Variants in EYA1 observed in about 807,000 individuals in gnomAD.
EYA1 encodes the protein EYA transcriptional coactivator and phosphatase 1, also known as protein phosphatase EYA1.
EYA1 carries 16 observed loss-of-function variants against 82.0 expected under a neutral mutation model. The ratio of observed to expected loss-of-function variants is 0.20; its 90% CI spans 0.13 to 0.30. The LOEUF (loss-of-function observed/expected upper bound fraction) is 0.30. Ranked by LOEUF, EYA1 falls within the 10% of genes least tolerant of loss-of-function variation. The probability of loss-of-function intolerance (pLI) is 1.00; values close to 1 mark genes in which losing one functional copy is unlikely to be tolerated. For missense variants in EYA1, 633 were observed against 730.7 expected (o/e 0.87, Z 1.54); for synonymous variants, 261 against 264.4 (o/e 0.99, Z 0.12).
intron 7 of EYA1, among the ~76,000 whole-genome samples, chr8:71,306,670 C>T (rs1359878652): frequency 6.6e-6 from 1 of 152,114 alleles, no homozygotes; most frequent in African/African-American, 2.4e-5. Flanking sequence ...TAATGCTTCC[C>T]TCCCTCACTC....
chr8:71,250,025 C>G (rs913520115), intron 11 of EYA1, among the ~76,000 whole-genome samples: 2 of 151,484 alleles, frequency 1.3e-5, no homozygotes, highest in African/African-American at 2.4e-5. Context: ...TGCCATTGTT[C>G]TTTGCTTTCT....
At chr8:71,411,974 C>G (rs1184190109) in intron 2 of EYA1, among the ~76,000 whole-genome samples, 1 of 151,856 alleles carries the variant, frequency 6.6e-6, no homozygotes, top group Non-Finnish European at 1.5e-5. Flanking sequence ...GACTTGGAAT[C>G]AAGCCAAATG....
chr8:71,327,014 T>G (rs953935737), intron 4 of EYA1, among the ~76,000 whole-genome samples: 1 of 152,208 alleles, frequency 6.6e-6, no homozygotes, highest in Non-Finnish European at 1.5e-5. Context: ...TCAGATGCCC[T>G]GTCCTCTAAA....
At chr8:71,307,229 T>C (rs957322307) in intron 7 of EYA1, among the ~76,000 whole-genome samples, 3 of 152,132 alleles carry the variant, frequency 2.0e-5, no homozygotes, top group Non-Finnish European at 2.9e-5. Context: ...AAAAGATAAA[T>C]AATAATTGAG....
chr8:71,426,725 T>C (rs1415342731), intron 2 of EYA1, among the ~76,000 whole-genome samples: 1 of 152,218 alleles, frequency 6.6e-6, no homozygotes, highest in Non-Finnish European at 1.5e-5. Context: ...TGACTTACAA[T>C]TTTGCTTTAT....
In EYA1 at chr8:71,253,189, A is replaced by G. The variant is rs1384251342; in HGVS notation, c.1051-8497T>C. Among the ~76,000 whole-genome samples, 4 of 152,188 alleles carry G rather than the reference A, an allele frequency of 2.6e-5. No homozygotes were observed. In the South Asian group the frequency reaches 8.3e-4, roughly 31 times the overall value. On this transcript the variant is annotated intron_variant, in intron 11 of 17. Transcript: ENST00000340726. ...AAAGCACTTTAAGAATATCAAATTA[A>G]CATAAAATATCAGCTACCATAATAC...
At chr8:71,370,551 A>AT (rs993692986) in intron 2 of EYA1, among the ~76,000 whole-genome samples, 8 of 151,640 alleles carry the variant, frequency 5.3e-5, no homozygotes, top group African/African-American at 1.5e-4. Context: ...CAGTAAAGGG[A>AT]TTTTTTTAAG....
At position 71,290,226 on chromosome 8, in the gene EYA1, G is replaced by A. The variant is rs118036385; in HGVS notation, c.826+8821C>T. Reference sequence around the variant, plus strand: ...AAGCCACTTACCAAACGATGAAATCGCAATTAAATTAGGTGAAGAGATGGC... The same window carrying A: ...AAGCCACTTACCAAACGATGAAATCACAATTAAATTAGGTGAAGAGATGGC... On this transcript the variant is annotated intron_variant, in intron 9 of 17. Transcript: ENST00000340726. 1.6e-4 allele frequency among the ~76,000 whole-genome samples: 24 copies of A among 152,182 alleles called. No individual in the cohort carries two copies. In the East Asian group the frequency reaches 4.1e-3, roughly 26 times the overall value.
intron 3 of EYA1, among the ~76,000 whole-genome samples, chr8:71,344,545 A>C (rs1825501940): frequency 6.6e-6 from 1 of 152,218 alleles, no homozygotes; most frequent in Non-Finnish European, 1.5e-5. Context: ...CAAATGCTAA[A>C]TACATAGTCC....
intron 2 of EYA1, among the ~76,000 whole-genome samples, chr8:71,377,954 T>A (rs1242801591): frequency 1.3e-5 from 2 of 152,186 alleles, no homozygotes; most frequent in Non-Finnish European, 1.5e-5. Context: ...CTCATTTTTT[T>A]ATTCTTCCAT....
chr8:71,297,773 C>T (rs950632254), intron 9 of EYA1, among the ~76,000 whole-genome samples: 7 of 151,902 alleles, frequency 4.6e-5, no homozygotes. Flanking sequence ...GATGTGAAAT[C>T]TAATTAAAGG....
chr8:71,347,439 C>T (rs1825848625), intron 3 of EYA1, among the ~76,000 whole-genome samples: 1 of 152,204 alleles, frequency 6.6e-6, no homozygotes, highest in Non-Finnish European at 1.5e-5. Flanking sequence ...TCTCCTGCCT[C>T]AGCCTCCTGA....
chr8:71,442,575 C>T (rs905027326), intron 2 of EYA1, among the ~76,000 whole-genome samples: 5 of 152,148 alleles, frequency 3.3e-5, no homozygotes, highest in African/African-American at 7.2e-5. Flanking sequence ...GAAAGTCAAA[C>T]TTTTTCTGGC....
Position 71,452,129 on chromosome 8 carries a change from G to A in EYA1, c.33+83615C>T, listed in dbSNP as rs575551125. Among the ~76,000 whole-genome samples the A allele has an allele frequency of 3.9e-3, 594 of 152,288 alleles. 3 individuals carry two copies. Among genetic ancestry groups the A allele is most frequent in the Non-Finnish European group, 6.5e-3 (441 of 68,014 alleles). On this transcript the variant is annotated intron_variant, in intron 2 of 18. Transcript: ENST00000643681. ...GGCACACCAGGAGATTATATCCCACGCATGGCTTGGAGGGTCCCACACCCA... is the reference window on the plus strand; with the variant it reads ...GGCACACCAGGAGATTATATCCCACACATGGCTTGGAGGGTCCCACACCCA...
At chr8:71,363,780 A>C (rs928856550), upstream of EYA1, among the ~76,000 whole-genome samples, 2 of 152,182 alleles carry the variant, frequency 1.3e-5, no homozygotes, top group Non-Finnish European at 2.9e-5. Flanking sequence ...AGCTCTATAA[A>C]ATCTAAAATT....
intron 2 of EYA1, among the ~76,000 whole-genome samples, chr8:71,454,194 T>A (rs562350377): frequency 2.0e-5 from 3 of 152,052 alleles, no homozygotes; most frequent in Non-Finnish European, 2.9e-5. Context: ...ATAATGGTAA[T>A]GGGATCAATT....
At chr8:71,393,460 G>A (rs1020269548) in intron 2 of EYA1, among the ~76,000 whole-genome samples, 2 of 151,898 alleles carry the variant, frequency 1.3e-5, no homozygotes, top group Non-Finnish European at 2.9e-5. Flanking sequence ...ACCACTCCAC[G>A]ACAGTCCCCA....
At chr8:71,389,298 G>A (rs1441696328) in intron 2 of EYA1, among the ~76,000 whole-genome samples, 1 of 151,872 alleles carries the variant, frequency 6.6e-6, no homozygotes, top group East Asian at 1.9e-4. Flanking sequence ...ATAAATATTT[G>A]TTAAATGATA....
At position 71,511,774 on chromosome 8, in the gene EYA1, A is replaced by C. The variant is rs548020461; in HGVS notation, c.33+23970T>G. Among the ~76,000 whole-genome samples the C allele has an allele frequency of 1.6e-4, 25 of 152,334 alleles. No individual in the cohort carries two copies. The East Asian group carries it at 4.0e-3, about 25-fold the overall frequency. ...TTTAATAAATCAAGCCTCACGATTG[A>C]ATAAAAATTTGGAGAATGTATGCAA... On this transcript the variant is annotated intron_variant, in intron 2 of 18. Coordinates refer to the EYA1 transcript ENST00000643681.
Sources: gnomAD v4.1 joint callset for allele counts (sites outside exome capture counted in the v4.1 genomes callset) on GRCh38, gnomAD v4.1.1 for gene constraint, MANE v1.5 for transcripts, NCBI Gene and HGNC (gene_info 2026-07-23, HGNC 2026-07-21) for gene names.